Variants in BAIAP2 observed in about 807,000 individuals in gnomAD.
BAIAP2 encodes BAR/IMD domain-containing adapter protein 2.
BAIAP2 carries 18 observed loss-of-function variants against 63.0 expected under a neutral mutation model. The ratio of observed to expected loss-of-function variants is 0.29; its 90% CI spans 0.20 to 0.42. BAIAP2 has a LOEUF of 0.42. BAIAP2 is among the 10% of genes least tolerant of loss of function. The probability of loss-of-function intolerance (pLI) is 1.00; values close to 1 mark genes in which losing one functional copy is unlikely to be tolerated. For synonymous variants in BAIAP2, 386 were observed against 307.6 expected (o/e 1.25, Z -2.67); for missense variants, 610 against 734.3 (o/e 0.83, Z 1.96).
chr17:81,063,111 A>AG lies in BAIAP2; in HGVS notation c.217+5146dup, dbSNP rs200643638. Among the ~76,000 whole-genome samples the AG allele has an allele frequency of 4.4e-3, 662 of 152,086 alleles. 3 individuals are homozygous for AG. The highest frequency in any genetic ancestry group is 7.0e-3 in the Non-Finnish European group (474 of 67,982). ...AGCGAGGAGGACTGCAGGGGTTAAG[A>AG]GGAGGGGTGAAGGAGAGGGGCAAAG... On this transcript the variant is annotated intron_variant, in intron 3 of 13. Transcript: ENST00000428708.
chr17:81,109,877 C>G, intron 13 of BAIAP2: 1 of 985,452 alleles, frequency 1.0e-6, no homozygotes, highest in South Asian at 4.7e-5. Flanking sequence ...CCTGGCTGCT[C>G]TGGGCAGGGT....
At chr17:81,052,569 C>T (rs570141403) in intron 1 of BAIAP2, among the ~76,000 whole-genome samples, 1 of 152,200 alleles carries the variant, frequency 6.6e-6, no homozygotes, top group Non-Finnish European at 1.5e-5. Context: ...CCCAAGAACA[C>T]ACACCCTGGC....
chr17:81,113,326 C>T (rs1313538716), intron 13 of BAIAP2, among the ~76,000 whole-genome samples: 4 of 152,248 alleles, frequency 2.6e-5, no homozygotes, highest in African/African-American at 9.6e-5. Context: ...CTGCCCAGGG[C>T]CATGTCCTGC....
chr17:81,051,098 AG>A (rs1169655134), intron 1 of BAIAP2, among the ~76,000 whole-genome samples: 4 of 151,518 alleles, frequency 2.6e-5, no homozygotes, highest in Admixed American at 2.6e-4. Flanking sequence ...CCCGGCTCCC[AG>A]GCACTCCTGG....
In BAIAP2 at chr17:81,057,984, C is replaced by A. The variant is rs926784253; in HGVS notation, c.217+17C>A. On this transcript the variant is annotated intron_variant, in intron 3 of 13. Transcript: ENST00000428708. ...AAGAACTCGGTGAGACCCCCCCCCC[C>A]CCCCCGCCTGGTAGTCGCCTGATGC... 46 of 1,216,046 alleles carry A rather than the reference C, an allele frequency of 3.8e-5. 8 individuals carry two copies. The highest frequency in any genetic ancestry group is 2.4e-4 in the Middle Eastern group (1 of 4,224). 75.3% of individuals were successfully genotyped at this position (1,216,046 alleles called of 1,614,324 possible).
rs776985011 is a variant in BAIAP2, at chr17:81,116,285, C to A, written c.*446C>A. ...CCGGGAGCACGGGGATGGGAGCGCC[C>A]GCACCCTGGCTGGAAGATGAACTTC... On this transcript the variant is annotated 3_prime_UTR_variant, in exon 14 of 14. Coordinates refer to ENST00000428708, the MANE Select transcript of BAIAP2 (RefSeq NM_001144888.2). The A allele has an allele frequency of 1.9e-6, 3 of 1,612,342 alleles. No homozygotes were observed. The highest frequency in any genetic ancestry group is 2.5e-6 in the Non-Finnish European group (3 of 1,179,528).
chr17:81,069,462 G>A (rs972227334), intron 3 of BAIAP2, among the ~76,000 whole-genome samples: 2 of 152,324 alleles, frequency 1.3e-5, no homozygotes, highest in South Asian at 4.1e-4. Context: ...CCACGGGGCG[G>A]CCGGTCTGAA....
intron 3 of BAIAP2, among the ~76,000 whole-genome samples, chr17:81,084,105 A>G (rs1301855609): frequency 1.3e-5 from 2 of 152,094 alleles, no homozygotes. Flanking sequence ...CTTAATCTGC[A>G]TTTTGCACAC....
At chr17:81,068,744 G>A (rs1197057841) in intron 3 of BAIAP2, among the ~76,000 whole-genome samples, 2 of 152,166 alleles carry the variant, frequency 1.3e-5, no homozygotes, top group African/African-American at 2.4e-5. Flanking sequence ...GAAGTCCTGC[G>A]GGAGGGCCTG....
At chr17:81,110,111 A>C (rs2059728046) in intron 13 of BAIAP2, 2 of 985,232 alleles carry the variant, frequency 2.0e-6, no homozygotes, top group South Asian at 9.4e-5. Flanking sequence ...AGCCCGGCTC[A>C]GCCTGCCCGC....
intron 6 of BAIAP2, among the ~76,000 whole-genome samples, chr17:81,093,500 C>T (rs1025955367): frequency 1.3e-5 from 2 of 151,958 alleles, no homozygotes; most frequent in South Asian, 2.1e-4. Flanking sequence ...CCTCGCTGGC[C>T]GGTCGTGAGT....
chr17:81,113,743 C>T (rs1265050529), intron 13 of BAIAP2, among the ~76,000 whole-genome samples: 3 of 152,108 alleles, frequency 2.0e-5, no homozygotes, highest in Non-Finnish European at 4.4e-5. Flanking sequence ...TTCTGGGAGA[C>T]AAGAAGAGAA....
intron 13 of BAIAP2, among the ~76,000 whole-genome samples, chr17:81,113,958 C>CTTTTT (rs58758919): frequency 2.4e-5 from 2 of 83,170 alleles, no homozygotes; most frequent in Non-Finnish European, 4.6e-5. Flanking sequence ...TGGGAACCCA[C>CTTTTT]TTTTTTTTTT....
intron 3 of BAIAP2, among the ~76,000 whole-genome samples, chr17:81,061,885 A>AG (rs1427663353): frequency 7.9e-5 from 12 of 152,144 alleles, no homozygotes; most frequent in Non-Finnish European, 1.5e-4. Flanking sequence ...GTCCCTTGCC[A>AG]GGAATCTATT....
intron 7 of BAIAP2, among the ~76,000 whole-genome samples, chr17:81,102,310 CTGCG>C (rs2058601881): frequency 6.6e-6 from 1 of 152,116 alleles, no homozygotes; most frequent in Admixed American, 6.5e-5. Context: ...GGCCGTGCCG[CTGCG>C]AGGTCGGTGT....
chr17:81,057,992 CTG>C lies in BAIAP2; in HGVS notation c.217+26_217+27del, dbSNP rs140357171. The C allele has an allele frequency of 2.6e-3, 2,422 of 946,538 alleles. 66 individuals are homozygous for C. Among genetic ancestry groups the C allele is most frequent in the East Asian group, 6.5e-3 (153 of 23,428 alleles). 58.6% of individuals were successfully genotyped at this position (946,538 alleles called of 1,614,324 possible). ...GGTGAGACCCCCCCCCCCCCCCCGCCTGGTAGTCGCCTGATGCCCTCAGGCAG... is the reference window on the plus strand; with the variant it reads ...GGTGAGACCCCCCCCCCCCCCCCGCCGTAGTCGCCTGATGCCCTCAGGCAG... On this transcript the variant is annotated intron_variant, in intron 3 of 13. Transcript: ENST00000428708.
intron 6 of BAIAP2, chr17:81,098,103 G>A (rs913364701): frequency 9.5e-6 from 13 of 1,372,654 alleles, no homozygotes; most frequent in Admixed American, 5.7e-5. Flanking sequence ...AGGGGCCAGC[G>A]GGGGGTGGGG....
chr17:81,072,334 A>G (rs976111753), intron 3 of BAIAP2, among the ~76,000 whole-genome samples: 2 of 152,140 alleles, frequency 1.3e-5, no homozygotes, highest in African/African-American at 2.4e-5. Flanking sequence ...GCCCGGCCTG[A>G]CCCATGTAAT....
chr17:81,098,953 A>C (rs2058083304), intron 6 of BAIAP2, among the ~76,000 whole-genome samples: 1 of 150,470 alleles, frequency 6.6e-6, no homozygotes, highest in African/African-American at 2.5e-5. Flanking sequence ...TCTGGGACAC[A>C]TTCTCCCCGT....
Sources: gnomAD v4.1 joint callset for allele counts (sites outside exome capture counted in the v4.1 genomes callset) on GRCh38, gnomAD v4.1.1 for gene constraint, MANE v1.5 for transcripts, NCBI Gene and HGNC (gene_info 2026-07-23, HGNC 2026-07-21) for gene names.